The following SPECC1 variants were observed in gnomAD, a reference collection of about 807,000 sequenced individuals.
SPECC1 encodes sperm antigen with calponin homology and coiled-coil domains 1.
Under a neutral mutation model 104.1 loss-of-function variants are expected in SPECC1, and 62 were observed. The observed-to-expected ratio is 0.60, with a 90% CI of 0.49 to 0.74. SPECC1 has a LOEUF of 0.74. Among genes scored for constraint, SPECC1 ranks in the 30% least tolerant of loss-of-function variants. SPECC1 has a pLI of 0.00. For synonymous variants in SPECC1, 513 were observed against 501.6 expected, an observed-to-expected ratio of 1.02 and a Z score of -0.30; for missense variants, 1,306 against 1,310.5, an observed-to-expected ratio of 1.00 and a Z score of 0.05.
At chr17:20,158,219 G>A (rs1237490842) in intron 3 of SPECC1, among the ~76,000 whole-genome samples, 1 of 152,158 alleles carries the variant, frequency 6.6e-6, no homozygotes, top group South Asian at 2.1e-4. Context: ...AGAGCAAGGG[G>A]ACCAAAAGGA....
chr17:20,247,982 G>T (rs1420294353), intron 9 of SPECC1, among the ~76,000 whole-genome samples: 1 of 152,176 alleles, frequency 6.6e-6, no homozygotes, highest in East Asian at 1.9e-4. Context: ...TTCTGTTTCT[G>T]CCAGAATCGG....
chr17:20,187,409 A>G (rs1247516588), intron 3 of SPECC1, among the ~76,000 whole-genome samples: 1 of 152,070 alleles, frequency 6.6e-6, no homozygotes, highest in Non-Finnish European at 1.5e-5. Context: ...TGTTGAGTAG[A>G]TGTTTTTTGG....
At chr17:20,047,485 C>T (rs2045582513) in intron 1 of SPECC1, among the ~76,000 whole-genome samples, 1 of 152,196 alleles carries the variant, frequency 6.6e-6, no homozygotes, top group Non-Finnish European at 1.5e-5. Context: ...GATTCAGTTA[C>T]TCAATTTCAG....
chr17:20,287,945 T>C (rs968806547), intron 12 of SPECC1, among the ~76,000 whole-genome samples: 1 of 152,028 alleles, frequency 6.6e-6, no homozygotes, highest in Non-Finnish European at 1.5e-5. Context: ...TTCCTGATGC[T>C]CTCCCTCCCC....
chr17:20,013,254 T>G (rs185161784), intron 1 of SPECC1, among the ~76,000 whole-genome samples: 41 of 152,352 alleles, frequency 2.7e-4, no homozygotes, highest in Non-Finnish European at 2.4e-4. Context: ...GTACTTCTAT[T>G]TTTAATTTTT....
At chr17:20,092,085 A>G (rs962955145) in intron 1 of SPECC1, among the ~76,000 whole-genome samples, 8 of 151,966 alleles carry the variant, frequency 5.3e-5, no homozygotes, top group African/African-American at 7.3e-5. Context: ...TTTCTCTTCT[A>G]CTTTACACTG....
chr17:20,262,658 A>G (rs1275692315), intron 12 of SPECC1, among the ~76,000 whole-genome samples: 1 of 152,178 alleles, frequency 6.6e-6, no homozygotes, highest in Admixed American at 6.5e-5. Flanking sequence ...CAGCACCGTA[A>G]TACTCCCTTC....
Position 20,316,814 on chromosome 17 carries a change from T to G in SPECC1, c.*2749T>G, listed in dbSNP as rs1468511386. Reference sequence around the variant, plus strand: ...CACACCTGGCCTGTGATTGGCTCTATTTTGAGTGATTACGTGTAAATCATC... The same window carrying G: ...CACACCTGGCCTGTGATTGGCTCTAGTTTGAGTGATTACGTGTAAATCATC... On this transcript the variant is annotated 3_prime_UTR_variant, in exon 15 of 15. Coordinates refer to ENST00000395527, the MANE Select transcript of SPECC1 (RefSeq NM_001243439.2). 4.9e-6 allele frequency: 1 copy of G among 205,616 alleles called. No homozygotes were observed. The highest frequency in any genetic ancestry group is 2.3e-5 in the African/African-American group (1 of 43,724). 12.7% of individuals were successfully genotyped at this position (205,616 alleles called of 1,614,324 possible).
At chr17:20,082,427 C>T (rs1453219836) in intron 1 of SPECC1, among the ~76,000 whole-genome samples, 1 of 152,000 alleles carries the variant, frequency 6.6e-6, no homozygotes, top group African/African-American at 2.4e-5. Flanking sequence ...CAGTGAGACC[C>T]CATTTCTCAA....
chr17:20,130,858 T>C (rs1050477995), intron 3 of SPECC1, among the ~76,000 whole-genome samples: 3 of 152,220 alleles, frequency 2.0e-5, no homozygotes, highest in Non-Finnish European at 4.4e-5. Flanking sequence ...TCCATAAACA[T>C]GGTATGGCTC....
rs558476261 is a variant in SPECC1 at position 20,018,301 on chromosome 17, C to CTT, written c.-22+8878_-22+8879dup. ...GACATTTTAGTTGGCCATCGGCACTCTTGTTTTCCAGGTTTCTTTTGATTT... is the reference window on the plus strand; with the variant it reads ...GACATTTTAGTTGGCCATCGGCACTCTTTTGTTTTCCAGGTTTCTTTTGATTT... On this transcript the variant is annotated intron_variant, in intron 1 of 14. Coordinates refer to ENST00000395527, the MANE Select transcript of SPECC1 (RefSeq NM_001243439.2). Among the ~76,000 whole-genome samples the CTT allele has an allele frequency of 2.4e-3, 360 of 152,314 alleles. 1 individual carries two copies. The highest frequency in any genetic ancestry group is 8.4e-3 in the African/African-American group (348 of 41,560).
At chr17:20,263,950 A>G (rs1194769846) in intron 12 of SPECC1, among the ~76,000 whole-genome samples, 2 of 152,114 alleles carry the variant, frequency 1.3e-5, no homozygotes, top group Non-Finnish European at 2.9e-5. Flanking sequence ...GTTTGATGAA[A>G]CCCAAAACTC....
intron 3 of SPECC1, among the ~76,000 whole-genome samples, chr17:20,158,600 C>T (rs1005864364): frequency 1.3e-5 from 2 of 152,176 alleles, no homozygotes; most frequent in Non-Finnish European, 2.9e-5. Context: ...AAGGACAGTC[C>T]CTAGTCTTTC....
intron 14 of SPECC1, among the ~76,000 whole-genome samples, chr17:20,306,773 C>G (rs1369956113): frequency 1.3e-5 from 2 of 152,188 alleles, no homozygotes; most frequent in East Asian, 1.9e-4. Context: ...GCATGAAGCC[C>G]TTAGTATACT....
intron 3 of SPECC1, among the ~76,000 whole-genome samples, chr17:20,178,267 C>T (rs1415609985): frequency 1.3e-5 from 2 of 152,140 alleles, no homozygotes; most frequent in Non-Finnish European, 2.9e-5. Context: ...TGCTTCTCCT[C>T]TGTTTATTCT....
intron 1 of SPECC1, among the ~76,000 whole-genome samples, chr17:20,070,956 T>C (rs1188895612): frequency 6.6e-6 from 1 of 152,166 alleles, no homozygotes; most frequent in African/African-American, 2.4e-5. Flanking sequence ...ATTTTCTTTC[T>C]TTTTTCTCTT....
chr17:20,123,001 A>T (rs1220065905), intron 3 of SPECC1, among the ~76,000 whole-genome samples: 7 of 152,116 alleles, frequency 4.6e-5, no homozygotes, highest in African/African-American at 1.7e-4. Context: ...TATACCTGGA[A>T]GTGGGATTGC....
intron 5 of SPECC1, among the ~76,000 whole-genome samples, chr17:20,231,536 A>G (rs1484706694): frequency 6.6e-6 from 1 of 152,066 alleles, no homozygotes; most frequent in Non-Finnish European, 1.5e-5. Flanking sequence ...CACATCACAT[A>G]TTTTCCAGAT....
At chr17:20,128,925 C>T (rs900257926) in intron 3 of SPECC1, among the ~76,000 whole-genome samples, 6 of 152,068 alleles carry the variant, frequency 3.9e-5, no homozygotes, top group Non-Finnish European at 7.3e-5. Flanking sequence ...CAGCGTCACA[C>T]TCTGTAACAC....
Sources: gnomAD v4.1 joint callset for allele counts (sites outside exome capture counted in the v4.1 genomes callset) on GRCh38, gnomAD v4.1.1 for gene constraint, MANE v1.5 for transcripts, NCBI Gene and HGNC (gene_info 2026-07-23, HGNC 2026-07-21) for gene names.